Variants in HDAC8 observed in about 807,000 individuals in gnomAD.
The protein encoded by HDAC8 is histone deacetylase-like 1.
A neutral mutation model predicts 32.2 loss-of-function variants in HDAC8; 1 was observed. That is an observed-to-expected ratio of 0.03 (90% CI 0.01 to 0.15). The LOEUF is 0.15. HDAC8 is among the 10% of genes least tolerant of loss of function. The pLI is 1.00. For missense variants in HDAC8, 117 were observed against 300.0 expected, an observed-to-expected ratio of 0.39 and a Z score of 4.51; for synonymous variants, 108 against 113.9, an observed-to-expected ratio of 0.95 and a Z score of 0.33.
chrX:72,345,270 G>A (rs1299406770), intron 10 of HDAC8, among the ~76,000 whole-genome samples: 7 of 111,016 alleles, frequency 6.3e-5, no homozygotes, highest in Non-Finnish European at 1.3e-4. Context: ...AGGGGGAGAG[G>A]GTTTACTAGG....
intron 4 of HDAC8, among the ~76,000 whole-genome samples, chrX:72,496,660 G>A (rs913745560): frequency 5.5e-5 from 6 of 110,001 alleles, no homozygotes; most frequent in Non-Finnish European, 1.1e-4. Flanking sequence ...TAGATGGGAC[G>A]GAACACTAAG....
rs1212006168 is a variant in HDAC8, at chrX:72,522,407, C to T, written c.438-27139G>A. 2.0e-4 allele frequency among the ~76,000 whole-genome samples: 22 copies of T among 112,292 alleles called. No homozygotes were observed. The Admixed American group carries it at 2.1e-3, about 11-fold the overall frequency. On this transcript the variant is annotated intron_variant, in intron 4 of 10. Transcript: ENST00000373573. Reference sequence around the variant, plus strand: ...CTTTCCTTCTGTTGACTACAAAATGCCTTGCTTTCTCCACTTCCTTATTTC... The same window carrying T: ...CTTTCCTTCTGTTGACTACAAAATGTCTTGCTTTCTCCACTTCCTTATTTC...
intron 7 of HDAC8, among the ~76,000 whole-genome samples, chrX:72,470,764 C>T (rs782006236): frequency 9.0e-6 from 1 of 111,480 alleles, no homozygotes; most frequent in Non-Finnish European, 1.9e-5. Context: ...AAGCAACTGA[C>T]AGTTGATTCT....
At chrX:72,542,690 C>T (rs926567165) in intron 4 of HDAC8, among the ~76,000 whole-genome samples, 1 of 111,637 alleles carries the variant, frequency 9.0e-6, no homozygotes, top group Non-Finnish European at 1.9e-5. Context: ...GGAGGAAGGG[C>T]GTGAAGTTCA....
intron 9 of HDAC8, among the ~76,000 whole-genome samples, chrX:72,354,183 C>G (rs1443153035): frequency 8.9e-6 from 1 of 112,502 alleles, no homozygotes; most frequent in Non-Finnish European, 1.9e-5. Context: ...CACAGTCATA[C>G]ATAACCCATT....
chrX:72,543,239 C>T (rs183664222), intron 4 of HDAC8, among the ~76,000 whole-genome samples: 25 of 111,422 alleles, frequency 2.2e-4, no homozygotes, highest in Admixed American at 2.2e-3. Flanking sequence ...GGGCTAGAAA[C>T]GATTGATGCC....
At chrX:72,428,897 A>G (rs1302570414) in intron 9 of HDAC8, among the ~76,000 whole-genome samples, 1 of 111,797 alleles carries the variant, frequency 8.9e-6, no homozygotes, top group Non-Finnish European at 1.9e-5. Context: ...TCTCCTATGG[A>G]CGTAGATAAG....
At chrX:72,476,780 G>C (rs782608116) in intron 7 of HDAC8, among the ~76,000 whole-genome samples, 1 of 111,821 alleles carries the variant, frequency 8.9e-6, no homozygotes, top group Non-Finnish European at 1.9e-5. Flanking sequence ...ATGAATAAAT[G>C]AATGGCCTCA....
At chrX:72,361,787 T>C (rs2044562320) in intron 9 of HDAC8, among the ~76,000 whole-genome samples, 1 of 109,658 alleles carries the variant, frequency 9.1e-6, no homozygotes, top group South Asian at 3.9e-4. Context: ...AGAGGGAAGA[T>C]ATAATTATAG....
chrX:72,393,345 A>C (rs1429668115), intron 9 of HDAC8, among the ~76,000 whole-genome samples: 1 of 111,741 alleles, frequency 8.9e-6, no homozygotes, highest in African/African-American at 3.3e-5. Flanking sequence ...AGACCACCAT[A>C]TTAAAACCAG....
At chrX:72,509,002 T>C (rs1437219360) in intron 4 of HDAC8, among the ~76,000 whole-genome samples, 1 of 111,729 alleles carries the variant, frequency 9.0e-6, no homozygotes, top group African/African-American at 3.3e-5. Flanking sequence ...CACCACAATC[T>C]ATGCCACAAA....
chrX:72,531,520 A>C (rs1453503315), intron 4 of HDAC8, among the ~76,000 whole-genome samples: 2 of 111,993 alleles, frequency 1.8e-5, no homozygotes, highest in Non-Finnish European at 3.8e-5. Context: ...TTCTTCTTTA[A>C]AAAGAAAACA....
At chrX:72,516,496 G>C (rs781796518) in intron 4 of HDAC8, among the ~76,000 whole-genome samples, 2 of 110,754 alleles carry the variant, frequency 1.8e-5, no homozygotes, top group Non-Finnish European at 3.8e-5. Context: ...CCTTTCTTAA[G>C]GGCTTCTGAA....
chrX:72,454,587 T>C (rs1486803227), intron 9 of HDAC8, among the ~76,000 whole-genome samples: 8 of 112,738 alleles, frequency 7.1e-5, no homozygotes, highest in Non-Finnish European at 1.5e-4. Flanking sequence ...TTCAAAATAA[T>C]TCGTCATTTA....
At chrX:72,401,030 T>C (rs975561474) in intron 9 of HDAC8, among the ~76,000 whole-genome samples, 26 of 112,516 alleles carry the variant, frequency 2.3e-4, no homozygotes, top group African/African-American at 7.1e-4. Flanking sequence ...ATATGAACAA[T>C]GCTACTACGA....
At chrX:72,371,354 G>A (rs186786419) in intron 9 of HDAC8, among the ~76,000 whole-genome samples, 1 of 111,802 alleles carries the variant, frequency 8.9e-6, no homozygotes, top group Admixed American at 9.5e-5. Flanking sequence ...CTCTGGAAGT[G>A]AGTCATACAT....
At chrX:72,492,979 T>C (rs2048914418) in intron 5 of HDAC8, among the ~76,000 whole-genome samples, 1 of 111,391 alleles carries the variant, frequency 9.0e-6, no homozygotes, top group East Asian at 2.8e-4. Flanking sequence ...TACAAGGCAA[T>C]ATGTAATGAA....
chrX:72,335,698 G>A (rs1471401641), intron 10 of HDAC8, among the ~76,000 whole-genome samples: 1 of 110,664 alleles, frequency 9.0e-6, no homozygotes, highest in African/African-American at 3.3e-5. Flanking sequence ...ATCACTTGAG[G>A]CCAGGAGTTC....
At chrX:72,341,961 C>G (rs1188463758) in intron 10 of HDAC8, among the ~76,000 whole-genome samples, 2 of 111,706 alleles carry the variant, frequency 1.8e-5, no homozygotes, top group East Asian at 5.6e-4. Context: ...GTTTTATTTT[C>G]TCTTATTCAT....
Sources: gnomAD v4.1 joint callset for allele counts (sites outside exome capture counted in the v4.1 genomes callset) on GRCh38, gnomAD v4.1.1 for gene constraint, MANE v1.5 for transcripts, NCBI Gene and HGNC (gene_info 2026-07-23, HGNC 2026-07-21) for gene names.